Variants in SNTG1 observed in about 807,000 individuals in gnomAD.
SNTG1 encodes syntrophin gamma 1, also known as gamma-1-syntrophin.
In SNTG1, 39 loss-of-function variants were observed where a neutral mutation model predicts 74.7. That is an observed-to-expected ratio of 0.52 (90% CI 0.40 to 0.68). SNTG1 has a LOEUF of 0.68. Among genes scored for constraint, SNTG1 ranks in the 30% least tolerant of loss-of-function variants. The pLI is 0.00. For synonymous variants in SNTG1, 254 were observed against 217.1 expected (o/e 1.17, Z -1.49); for missense variants, 685 against 609.5 (o/e 1.12, Z -1.30).
Position 50,053,623 on chromosome 8 carries a change from T to TTTTGTGTGTG in SNTG1, c.-102-118937_-102-118936insTTGTGTGTGT, listed in dbSNP as rs771636923. ...TATGCATATATATAAATATATATAA[T>TTTTGTGTGTG]TGTGTGTGTGTGTGTGTGTGTGTGT... On this transcript the variant is annotated intron_variant, in intron 1 of 18. Coordinates refer to ENST00000642720, the MANE Select transcript of SNTG1 (RefSeq NM_018967.5). Among the ~76,000 whole-genome samples the TTTTGTGTGTG allele has an allele frequency of 5.6e-4, 75 of 134,464 alleles. No individual in the cohort carries two copies. The East Asian group carries it at 0.01, about 19-fold the overall frequency. 88.2% of individuals were successfully genotyped at this position (134,464 alleles called of 152,430 possible).
chr8:49,967,276 C>A (rs1811228044), intron 1 of SNTG1, among the ~76,000 whole-genome samples: 1 of 152,184 alleles, frequency 6.6e-6, no homozygotes, highest in South Asian at 2.1e-4. Flanking sequence ...TGGAGTCTGT[C>A]CTCTTAGCAT....
At chr8:50,671,873 G>T (rs1210187284) in intron 15 of SNTG1, among the ~76,000 whole-genome samples, 1 of 151,786 alleles carries the variant, frequency 6.6e-6, no homozygotes, top group Non-Finnish European at 1.5e-5. Context: ...CATAAAAAAT[G>T]ATGAGTTCAT....
At chr8:50,486,021 T>C (rs1354363629) in intron 8 of SNTG1, among the ~76,000 whole-genome samples, 2 of 152,310 alleles carry the variant, frequency 1.3e-5, no homozygotes, top group African/African-American at 4.8e-5. Context: ...TTCTGTTCCA[T>C]TGATCTATAT....
chr8:50,358,608 C>T (rs2091880758), intron 2 of SNTG1, among the ~76,000 whole-genome samples: 2 of 152,094 alleles, frequency 1.3e-5, no homozygotes, highest in Non-Finnish European at 2.9e-5. Flanking sequence ...ATAACAATTT[C>T]ATTTCAAGAA....
intron 2 of SNTG1, among the ~76,000 whole-genome samples, chr8:50,173,162 A>C (rs1050911662): frequency 6.6e-6 from 1 of 152,138 alleles, no homozygotes; most frequent in Non-Finnish European, 1.5e-5. Context: ...GAATGAGGTG[A>C]AATTAGTACA....
At chr8:50,089,379 T>C (rs2079625172) in intron 1 of SNTG1, among the ~76,000 whole-genome samples, 1 of 150,110 alleles carries the variant, frequency 6.7e-6, no homozygotes, top group Admixed American at 6.6e-5. Context: ...CCAAAAGCAA[T>C]GGCAACAAAA....
chr8:50,105,023 G>A (rs983603349), intron 1 of SNTG1, among the ~76,000 whole-genome samples: 1 of 152,066 alleles, frequency 6.6e-6, no homozygotes, highest in Non-Finnish European at 1.5e-5. Context: ...CTTTTGCTCT[G>A]CAGAAGCCTT....
At chr8:50,604,188 G>T (rs1440927981) in intron 13 of SNTG1, among the ~76,000 whole-genome samples, 1 of 152,156 alleles carries the variant, frequency 6.6e-6, no homozygotes, top group Non-Finnish European at 1.5e-5. Context: ...GGAGGCTGAG[G>T]CAGGCAGATC....
At chr8:50,258,702 C>T (rs1468961335) in intron 2 of SNTG1, among the ~76,000 whole-genome samples, 1 of 151,766 alleles carries the variant, frequency 6.6e-6, no homozygotes, top group African/African-American at 2.4e-5. Flanking sequence ...AATCTATGAA[C>T]TTGAAGAGAC....
At chr8:50,195,449 T>C (rs1449789033) in intron 2 of SNTG1, among the ~76,000 whole-genome samples, 1 of 152,170 alleles carries the variant, frequency 6.6e-6, no homozygotes, top group Non-Finnish European at 1.5e-5. Context: ...CCTGGATTTC[T>C]GGCCAGGAGG....
intron 1 of SNTG1, among the ~76,000 whole-genome samples, chr8:50,018,836 G>A (rs1049801034): frequency 2.6e-5 from 4 of 152,126 alleles, no homozygotes; most frequent in East Asian, 1.9e-4. Context: ...AATAACAAGT[G>A]TTGGCCAAGA....
At chr8:50,238,305 C>T (rs958453125) in intron 2 of SNTG1, among the ~76,000 whole-genome samples, 2 of 151,982 alleles carry the variant, frequency 1.3e-5, no homozygotes, top group African/African-American at 2.4e-5. Flanking sequence ...CATAGGCTAA[C>T]GGAACAGATT....
chr8:50,323,583 A>T (rs912614924), intron 2 of SNTG1, among the ~76,000 whole-genome samples: 3 of 152,110 alleles, frequency 2.0e-5, no homozygotes, highest in Non-Finnish European at 4.4e-5. Flanking sequence ...ATCCAGAAAA[A>T]TTCTCTCAAT....
intron 15 of SNTG1, among the ~76,000 whole-genome samples, chr8:50,669,451 T>A (rs998371953): frequency 9.9e-5 from 15 of 152,078 alleles, no homozygotes; most frequent in African/African-American, 3.6e-4. Context: ...AAGAAATGGA[T>A]AAATTCCTCG....
intron 2 of SNTG1, among the ~76,000 whole-genome samples, chr8:50,234,810 G>A (rs1403675076): frequency 6.6e-6 from 1 of 151,962 alleles, no homozygotes; most frequent in Non-Finnish European, 1.5e-5. Flanking sequence ...TTTTAAAAAT[G>A]GTCCTTTGGA....
intron 17 of SNTG1, among the ~76,000 whole-genome samples, chr8:50,728,286 A>G (rs2095504947): frequency 6.6e-6 from 1 of 152,078 alleles, no homozygotes; most frequent in Non-Finnish European, 1.5e-5. Flanking sequence ...CTTTTGCCCA[A>G]ACTCTGAGGG....
At chr8:50,666,214 C>A (rs1184162593) in intron 15 of SNTG1, among the ~76,000 whole-genome samples, 2 of 152,108 alleles carry the variant, frequency 1.3e-5, no homozygotes, top group Non-Finnish European at 1.5e-5. Flanking sequence ...AAGTGAGACA[C>A]ATTTCATATA....
chr8:50,647,323 C>T (rs2095115578), intron 13 of SNTG1, among the ~76,000 whole-genome samples: 2 of 152,064 alleles, frequency 1.3e-5, no homozygotes, highest in African/African-American at 4.8e-5. Flanking sequence ...TGATGAGGAA[C>T]TGTTCCCTGA....
At chr8:50,237,640 G>A (rs2085973805) in intron 2 of SNTG1, among the ~76,000 whole-genome samples, 1 of 151,908 alleles carries the variant, frequency 6.6e-6, no homozygotes, top group African/African-American at 2.4e-5. Context: ...GGCAAAAGGG[G>A]ATTTTATTTT....
Sources: gnomAD v4.1 joint callset for allele counts (sites outside exome capture counted in the v4.1 genomes callset) on GRCh38, gnomAD v4.1.1 for gene constraint, MANE v1.5 for transcripts, NCBI Gene and HGNC (gene_info 2026-07-23, HGNC 2026-07-21) for gene names.